TAF4: variants seen among roughly 807,000 people sequenced by gnomAD.
The protein encoded by TAF4 is transcription initiation factor TFIID subunit 4.
TAF4 carries 9 observed loss-of-function variants against 90.3 expected under a neutral mutation model. That is an observed-to-expected ratio of 0.10 (90% CI 0.06 to 0.17). The LOEUF is 0.17. Among genes scored for constraint, TAF4 ranks in the 10% least tolerant of loss-of-function variants. TAF4 has a pLI of 1.00. For missense variants in TAF4, 1,351 were observed against 1,370.7 expected (o/e 0.99, Z 0.23); for synonymous variants, 818 against 638.9 (o/e 1.28, Z -4.23).
intron 14 of TAF4, among the ~76,000 whole-genome samples, chr20:61,984,404 A>G (rs2055569957): frequency 6.6e-6 from 1 of 152,232 alleles, no homozygotes; most frequent in Non-Finnish European, 1.5e-5. Flanking sequence ...ACTCAGCCCC[A>G]ACAGCAGGCC....
intron 9 of TAF4, among the ~76,000 whole-genome samples, chr20:62,002,381 G>A (rs527249552): frequency 6.6e-6 from 1 of 152,078 alleles, no homozygotes; most frequent in Non-Finnish European, 1.5e-5. Flanking sequence ...ACCGCCCCTT[G>A]ATCACAACAG....
chr20:62,013,005 T>A, intron 2 of TAF4, 71 bp from the exon 3 acceptor site: 1 of 1,583,802 alleles, frequency 6.3e-7, no homozygotes, highest in Admixed American at 1.8e-5. Flanking sequence ...TACACAGAAA[T>A]TATTCCTTCC....
At chr20:61,992,324 C>T (rs1012472283) in intron 14 of TAF4, among the ~76,000 whole-genome samples, 2 of 152,170 alleles carry the variant, frequency 1.3e-5, no homozygotes, top group African/African-American at 4.8e-5. Flanking sequence ...GCTGTTTTCA[C>T]CACCCTCGGC....
intron 1 of TAF4, among the ~76,000 whole-genome samples, chr20:62,023,747 CAAAAAAAAAAAA>C: frequency 1.7e-5 from 1 of 59,580 alleles, no homozygotes; most frequent in South Asian, 7.1e-4. Flanking sequence ...GACTCCATCT[CAAAAAAAAAAAA>C]AAAAAAAAAA....
intron 14 of TAF4, among the ~76,000 whole-genome samples, chr20:61,986,926 T>C (rs1194194047): frequency 1.3e-5 from 2 of 152,242 alleles, no homozygotes; most frequent in Non-Finnish European, 2.9e-5. Flanking sequence ...GCAGCGTCCT[T>C]GCGAATGCCC....
intron 1 of TAF4, among the ~76,000 whole-genome samples, chr20:62,053,343 G>T (rs560588985): frequency 6.6e-6 from 1 of 152,226 alleles, no homozygotes; most frequent in Non-Finnish European, 1.5e-5. Flanking sequence ...CGGAGGACCA[G>T]GACCGCCCTC....
chr20:62,019,202 G>A (rs904271888), intron 1 of TAF4, among the ~76,000 whole-genome samples: 1 of 152,196 alleles, frequency 6.6e-6, no homozygotes, highest in African/African-American at 2.4e-5. Flanking sequence ...CAAGAACAAT[G>A]GAAACCTCCT....
At chr20:61,979,875 C>G (rs1568919612) in intron 14 of TAF4, among the ~76,000 whole-genome samples, 1 of 152,158 alleles carries the variant, frequency 6.6e-6, no homozygotes, top group Non-Finnish European at 1.5e-5. Flanking sequence ...GCGGCCCGTG[C>G]AGGCGCGACG....
At chr20:62,046,879 T>C (rs2055996335) in intron 1 of TAF4, among the ~76,000 whole-genome samples, 1 of 152,252 alleles carries the variant, frequency 6.6e-6, no homozygotes, top group African/African-American at 2.4e-5. Flanking sequence ...CTTTTGGGTC[T>C]ATTCAAACCT....
intron 1 of TAF4, among the ~76,000 whole-genome samples, chr20:62,059,728 G>C (rs563206165): frequency 2.6e-5 from 4 of 152,202 alleles, no homozygotes; most frequent in African/African-American, 4.8e-5. Context: ...CTGGATGATC[G>C]AGGGCTTGGA....
At chr20:62,025,797 A>C (rs1276724937) in intron 1 of TAF4, among the ~76,000 whole-genome samples, 2 of 152,168 alleles carry the variant, frequency 1.3e-5, no homozygotes, top group Non-Finnish European at 2.9e-5. Context: ...AAAATTCTAA[A>C]ACACACAGAC....
intron 1 of TAF4, among the ~76,000 whole-genome samples, chr20:62,017,313 A>C (rs1362405988): frequency 6.6e-6 from 1 of 152,066 alleles, no homozygotes; most frequent in Non-Finnish European, 1.5e-5. Context: ...GAGTGAAGAG[A>C]CTTTAATTAT....
intron 14 of TAF4, among the ~76,000 whole-genome samples, chr20:61,987,638 G>C (rs565520604): frequency 6.6e-6 from 1 of 152,218 alleles, no homozygotes; most frequent in Admixed American, 6.5e-5. Flanking sequence ...GCAACATGGC[G>C]CGGCTGCTGG....
intron 4 of TAF4, 138 bp from the exon 5 acceptor site, chr20:62,009,312 C>A: frequency 1.1e-6 from 1 of 922,852 alleles, no homozygotes; most frequent in East Asian, 2.8e-5. Context: ...AACGCACCAC[C>A]TCTTGGAACC....
At chr20:62,032,762 G>C (rs1430479744) in intron 1 of TAF4, among the ~76,000 whole-genome samples, 1 of 152,222 alleles carries the variant, frequency 6.6e-6, no homozygotes, top group Non-Finnish European at 1.5e-5. Flanking sequence ...CACATTGGCA[G>C]GGAGACAGCA....
At chr20:62,034,971 C>G (rs1440222915) in intron 1 of TAF4, among the ~76,000 whole-genome samples, 1 of 152,078 alleles carries the variant, frequency 6.6e-6, no homozygotes. Context: ...CAGGCACCCA[C>G]CACCATGCCC....
Position 62,023,757 on chromosome 20 carries a change from AAAAAAAAAAAAAAG to A in TAF4, c.1361-9064_1361-9051del, listed in dbSNP as rs1171676877. On this transcript the variant is annotated intron_variant, in intron 1 of 14. Coordinates refer to ENST00000252996, the MANE Select transcript of TAF4 (RefSeq NM_003185.4). ...AGCAAGACTCCATCTCAAAAAAAAAAAAAAAAAAAAAAAGAAAGAAAGAAAGAAAAAGAAAGCTC... is the reference window on the plus strand; with the variant it reads ...AGCAAGACTCCATCTCAAAAAAAAAAAAAGAAAGAAAGAAAAAGAAAGCTC... Among the ~76,000 whole-genome samples the A allele has an allele frequency of 1.4e-4, 21 of 146,958 alleles. 1 individual carries two copies. Among genetic ancestry groups the A allele is most frequent in the South Asian group, 2.1e-4 (1 of 4,672 alleles).
Position 61,997,569 on chromosome 20 carries a change from C to T in TAF4, c.3071G>A (p.Gly1024Glu). The change falls in exon 14 of 15, where the codon GGG becomes GAG. Residue 1024 changes from glycine to glutamate, a missense_variant. Coordinates refer to ENST00000252996, the MANE Select transcript of TAF4 (RefSeq NM_003185.4). The stretch of plus-strand genomic sequence containing the variant: ...CCGTACCTCTGCTCCTGAGCCCGGC[C>T]CCGGACAGTCCACTTTCCTCTTTTT... ...PRKKRKVDCPGPGSGAEGSGP... is the reference protein window; with the variant it reads ...PRKKRKVDCPEPGSGAEGSGP... 6.2e-7 allele frequency: 1 copy of T among 1,612,844 alleles called. No homozygotes were observed. The highest frequency in any genetic ancestry group is 8.5e-7 in the Non-Finnish European group (1 of 1,179,648).
At chr20:61,993,029 G>A (rs1248144751) in intron 14 of TAF4, among the ~76,000 whole-genome samples, 1 of 152,260 alleles carries the variant, frequency 6.6e-6, no homozygotes, top group Non-Finnish European at 1.5e-5. Context: ...ATCTTCACCT[G>A]GATATATGGA....
Sources: gnomAD v4.1 joint callset for allele counts (sites outside exome capture counted in the v4.1 genomes callset) on GRCh38, gnomAD v4.1.1 for gene constraint, MANE v1.5 for transcripts, NCBI Gene and HGNC (gene_info 2026-07-23, HGNC 2026-07-21) for gene names.